ANKRD30BL: variants seen among roughly 807,000 people sequenced by gnomAD.
ANKRD30BL encodes ankyrin repeat domain 30B like, also known as putative ankyrin repeat domain-containing protein 30B-like.
Under a neutral mutation model 18.4 loss-of-function variants are expected in ANKRD30BL, and 20 were observed. The ratio of observed to expected loss-of-function variants is 1.09; its 90% CI spans 0.77 to 1.58. The LOEUF (loss-of-function observed/expected upper bound fraction) is 1.58. ANKRD30BL is among the 40% of genes most tolerant of loss of function. The pLI is 0.00. For synonymous variants in ANKRD30BL, 72 were observed against 100.9 expected (o/e 0.71, Z 1.72); for missense variants, 224 against 268.6 (o/e 0.83, Z 1.16).
Position 132,150,892 on chromosome 2 carries a change from T to C in ANKRD30BL, c.679+20A>G. On this transcript the variant is annotated intron_variant, in intron 5 of 5. Coordinates refer to ENST00000409867, the MANE Select transcript of ANKRD30BL (RefSeq NM_001358416.1). ...CTTATGGTAGCACCACCAAGAGTAG[T>C]TTACTATCAGAGGTCTTACCTGGAT... The C allele has an allele frequency of 1.7e-6, 1 of 602,158 alleles. No individual in the cohort carries two copies. Among genetic ancestry groups the C allele is most frequent in the Non-Finnish European group, 2.9e-6 (1 of 341,358 alleles). 37.3% of individuals were successfully genotyped at this position (602,158 alleles called of 1,614,324 possible). A position where few individuals can be genotyped will look rare whatever the true frequency, so the allele number is the denominator to read the frequency against.
Position 132,150,944 on chromosome 2 carries a change from T to C in ANKRD30BL, c.647A>G (p.Lys216Arg), listed in dbSNP as rs201722332. The C allele has an allele frequency of 1.4e-3, 887 of 625,616 alleles. 2 individuals are homozygous for C. The highest frequency in any genetic ancestry group is 5.3e-3 in the Middle Eastern group (19 of 3,580). 38.8% of individuals were successfully genotyped at this position (625,616 alleles called of 1,614,324 possible). Reference sequence around the variant, plus strand: ...ACTATTTTGAGAATTTTTAGATATCTTTTGTTTATATTCCAAAAGTTGTTG... The same window carrying C: ...ACTATTTTGAGAATTTTTAGATATCCTTTGTTTATATTCCAAAAGTTGTTG... ...VHQQLLEYKQ[K>R]ISKNSQNSNP... Residue 216 changes from lysine to arginine, a missense_variant, in exon 5 of 6, where the codon AAG becomes AGG. By Grantham distance (26) the Lys-to-Arg change is conservative. Around this residue, in one of 3 missense-constraint regions of ANKRD30BL, gnomAD observed 63 missense variants for 62.3 expected, o/e 1.01. Coordinates refer to ENST00000409867, the MANE Select transcript of ANKRD30BL (RefSeq NM_001358416.1).
chr2:132,209,156 C>T (rs929816048), intron 1 of ANKRD30BL, among the ~76,000 whole-genome samples: 1 of 150,648 alleles, frequency 6.6e-6, no homozygotes, highest in Non-Finnish European at 1.5e-5. Flanking sequence ...GCTTTGGGGC[C>T]TATGGTGGAA....
intron 1 of ANKRD30BL, among the ~76,000 whole-genome samples, chr2:132,222,294 G>A (rs1328683346): frequency 1.3e-5 from 2 of 152,028 alleles, no homozygotes; most frequent in East Asian, 2.0e-4. Context: ...ACTGGGAAGT[G>A]AGGAGCCCCT....
intron 1 of ANKRD30BL, among the ~76,000 whole-genome samples, chr2:132,226,470 C>T (rs933639434): frequency 6.6e-5 from 10 of 151,428 alleles, no homozygotes; most frequent in Admixed American, 5.3e-4. Flanking sequence ...TTTGTAGAAT[C>T]TGCAAGTGGG....
chr2:132,154,106 C>T (rs1687838587), intron 4 of ANKRD30BL, among the ~76,000 whole-genome samples: 1 of 152,100 alleles, frequency 6.6e-6, no homozygotes, highest in Non-Finnish European at 1.5e-5. Context: ...CCTGGGACTA[C>T]AGGCTTGTGC....
chr2:132,205,023 AT>A (rs1185753426), intron 1 of ANKRD30BL, among the ~76,000 whole-genome samples: 1 of 152,206 alleles, frequency 6.6e-6, no homozygotes, highest in Non-Finnish European at 1.5e-5. Context: ...TGTGCAGAGC[AT>A]TGTTATCCAA....
chr2:132,252,737 C>T (rs1680690255), intron 1 of ANKRD30BL, among the ~76,000 whole-genome samples: 1 of 152,090 alleles, frequency 6.6e-6, no homozygotes, highest in African/African-American at 2.4e-5. Context: ...CCCAACAAGC[C>T]CCCACCACCG....
intron 1 of ANKRD30BL, among the ~76,000 whole-genome samples, chr2:132,206,813 T>C (rs1246387111): frequency 7.9e-5 from 12 of 152,262 alleles, no homozygotes; most frequent in African/African-American, 2.7e-4. Context: ...ATGAAGGAGT[T>C]AGCAGTGCTG....
chr2:132,195,788 CAAAAAA>C (rs1205804103), intron 1 of ANKRD30BL, among the ~76,000 whole-genome samples: 2 of 48,660 alleles, frequency 4.1e-5, no homozygotes, highest in Admixed American at 2.8e-4. Context: ...GAGCCTCTGC[CAAAAAA>C]AAAAAAAAAA....
intron 1 of ANKRD30BL, among the ~76,000 whole-genome samples, chr2:132,177,186 C>T (rs79308903): frequency 6.6e-6 from 1 of 151,676 alleles, no homozygotes; most frequent in East Asian, 1.9e-4. Flanking sequence ...ATGGAATTTC[C>T]CTTGGTCACC....
intron 1 of ANKRD30BL, among the ~76,000 whole-genome samples, chr2:132,195,202 G>A (rs1324485952): frequency 6.6e-6 from 1 of 152,158 alleles, no homozygotes; most frequent in East Asian, 1.9e-4. Flanking sequence ...GATTCAAAGA[G>A]TATCCATGAA....
At chr2:132,166,029 T>A (rs1430191641), upstream of ANKRD30BL, among the ~76,000 whole-genome samples, 4 of 152,160 alleles carry the variant, frequency 2.6e-5, no homozygotes, top group Non-Finnish European at 1.5e-5. Flanking sequence ...AAATTATAGA[T>A]GGGTGATAGA....
intron 1 of ANKRD30BL, among the ~76,000 whole-genome samples, chr2:132,190,598 A>T (rs1049484567): frequency 2.0e-5 from 3 of 152,090 alleles, no homozygotes; most frequent in Non-Finnish European, 4.4e-5. Flanking sequence ...TGTGTAATAT[A>T]GGTATACATT....
At chr2:132,161,462 G>A (rs761385227) in intron 1 of ANKRD30BL, 26 bp downstream of exon 1, 7 of 1,443,076 alleles carry the variant, frequency 4.9e-6, no homozygotes, top group Non-Finnish European at 5.7e-6. Context: ...TCCTCCTGCA[G>A]CCCCGGCTCA....
intron 1 of ANKRD30BL, among the ~76,000 whole-genome samples, chr2:132,222,832 T>TTAAAAAAAAAAAA (rs559303905): frequency 1.9e-5 from 1 of 52,808 alleles, no homozygotes; most frequent in Non-Finnish European, 3.8e-5. Context: ...GAATGATCAA[T>TTAAAAAAAAAAAA]AAAAAAAAAA....
At chr2:132,213,632 G>T (rs546978368) in intron 1 of ANKRD30BL, among the ~76,000 whole-genome samples, 4 of 152,350 alleles carry the variant, frequency 2.6e-5, no homozygotes, top group African/African-American at 9.6e-5. Context: ...TCCTACGGTG[G>T]AAAAGGAAAT....
At chr2:132,250,684 A>G (rs1680626189) in intron 1 of ANKRD30BL, among the ~76,000 whole-genome samples, 3 of 152,234 alleles carry the variant, frequency 2.0e-5, no homozygotes, top group Non-Finnish European at 2.9e-5. Flanking sequence ...TGGAGCAGAA[A>G]TGCAATACAA....
chr2:132,151,333 G>A (rs1288085933), intron 4 of ANKRD30BL, among the ~76,000 whole-genome samples: 1 of 151,966 alleles, frequency 6.6e-6, no homozygotes. Flanking sequence ...TAAAAATGAG[G>A]ATTTTAGGGC....
At chr2:132,183,286 C>T (rs1573822326) in intron 1 of ANKRD30BL, among the ~76,000 whole-genome samples, 1 of 152,062 alleles carries the variant, frequency 6.6e-6, no homozygotes, top group Non-Finnish European at 1.5e-5. Flanking sequence ...CATGTGCCAT[C>T]ATGCCCAGCT....
Sources: allele counts gnomAD v4.1 joint callset (sites outside exome capture counted in the v4.1 genomes callset), GRCh38; gene constraint gnomAD v4.1.1; regional missense constraint gnomAD v4.1.1; transcripts MANE v1.5; gene names NCBI Gene and HGNC (gene_info 2026-07-23, HGNC 2026-07-21).